Variants in AKAP19 observed in about 807,000 individuals in gnomAD.
The protein encoded by AKAP19 is small A-kinase anchoring protein.
the AKAP19 span, among the ~76,000 whole-genome samples, chr2:190,107,605 C>G: frequency 6.6e-6 from 1 of 152,188 alleles, no homozygotes; most frequent in African/African-American, 2.4e-5. Context: ...CATCCTTCAG[C>G]AGCATGAGTA....
chr2:190,083,287 G>A, the AKAP19 span, among the ~76,000 whole-genome samples: 1 of 151,298 alleles, frequency 6.6e-6, no homozygotes, highest in East Asian at 1.9e-4. Flanking sequence ...GCTGAAGTGG[G>A]AGGATCGATG....
the AKAP19 span, among the ~76,000 whole-genome samples, chr2:190,164,519 G>A: frequency 6.6e-6 from 1 of 152,204 alleles, no homozygotes; most frequent in South Asian, 2.1e-4. Context: ...AACAGAGCCA[G>A]ACTCTGTCTC....
At chr2:189,919,813 G>A in the AKAP19 span, among the ~76,000 whole-genome samples, 1 of 152,180 alleles carries the variant, frequency 6.6e-6, no homozygotes, top group Non-Finnish European at 1.5e-5. Context: ...TCTAGCCTGA[G>A]TGTGAGCCTG....
At chr2:189,905,971 CAT>C in the AKAP19 span, among the ~76,000 whole-genome samples, 1 of 152,006 alleles carries the variant, frequency 6.6e-6, no homozygotes, top group African/African-American at 2.4e-5. Flanking sequence ...GCACAGTTTT[CAT>C]ATCCTTTTGA....
At chr2:190,075,770 T>G in the AKAP19 span, among the ~76,000 whole-genome samples, 8 of 152,178 alleles carry the variant, frequency 5.3e-5, no homozygotes, top group Admixed American at 1.3e-4. Flanking sequence ...AGTTGGGTCT[T>G]GTTTTTTTAT....
chr2:190,005,377 A>G, the AKAP19 span, among the ~76,000 whole-genome samples: 47,263 of 151,984 alleles, frequency 0.31, 8,306 homozygotes, highest in African/African-American at 0.49. Flanking sequence ...GTGCTGATTG[A>G]TGCATTTACA....
the AKAP19 span, among the ~76,000 whole-genome samples, chr2:189,940,432 G>A: frequency 9.5e-4 from 143 of 150,928 alleles, 5 homozygotes; most frequent in Admixed American, 9.4e-3. Context: ...GGCAACGGGG[G>A]GGAAAAAAAG....
At chr2:189,930,845 G>T in the AKAP19 span, 1 of 763,650 alleles carries the variant, frequency 1.3e-6, no homozygotes, top group Non-Finnish European at 2.4e-6. Context: ...TGTTAGGATA[G>T]GTGTTTGCTA....
At chr2:189,948,884 T>C in the AKAP19 span, among the ~76,000 whole-genome samples, 2 of 152,284 alleles carry the variant, frequency 1.3e-5, no homozygotes, top group African/African-American at 4.8e-5. Flanking sequence ...CTCAAGATTA[T>C]GTAGGTATTT....
the AKAP19 span, among the ~76,000 whole-genome samples, chr2:190,059,488 C>A: frequency 6.6e-6 from 1 of 151,860 alleles, no homozygotes. Context: ...TATATACACA[C>A]ATCAGTGCAT....
the AKAP19 span, among the ~76,000 whole-genome samples, chr2:189,920,173 A>G: frequency 2.6e-5 from 4 of 152,160 alleles, no homozygotes; most frequent in African/African-American, 7.2e-5. Context: ...TTTATATTAG[A>G]TTTGTTTACT....
chr2:190,186,025 C>T, the AKAP19 span, among the ~76,000 whole-genome samples: 1 of 152,180 alleles, frequency 6.6e-6, no homozygotes, highest in Non-Finnish European at 1.5e-5. The surrounding 1 kb of genome is among the most constrained non-coding windows in gnomAD (Gnocchi z 5.5). Flanking sequence ...GATCTTGGCT[C>T]TCTGCAACTT....
chr2:190,180,781 G>A, the AKAP19 span: 1 of 985,218 alleles, frequency 1.0e-6, no homozygotes, highest in South Asian at 4.7e-5. The surrounding 1 kb of genome is among the most constrained non-coding windows in gnomAD (Gnocchi z 6.8). Context: ...GCGAACCCGC[G>A]AGGAGCGCGC....
At chr2:189,925,290 C>T in the AKAP19 span, among the ~76,000 whole-genome samples, 1 of 151,932 alleles carries the variant, frequency 6.6e-6, no homozygotes, top group Non-Finnish European at 1.5e-5. Flanking sequence ...TTAGTGTTCA[C>T]TAATTCAGTA....
the AKAP19 span, among the ~76,000 whole-genome samples, chr2:189,957,847 G>T: frequency 4.6e-5 from 7 of 152,298 alleles, no homozygotes; most frequent in East Asian, 1.3e-3. Context: ...AGGCTGGAAT[G>T]CAGTGGTGCC....
chr2:190,098,283 A>G, the AKAP19 span, among the ~76,000 whole-genome samples: 1 of 152,208 alleles, frequency 6.6e-6, no homozygotes, highest in South Asian at 2.1e-4. Flanking sequence ...TCCATGGGCT[A>G]CAGAATGGAT....
the AKAP19 span, among the ~76,000 whole-genome samples, chr2:189,926,585 C>CTT: frequency 1.2e-3 from 85 of 72,390 alleles, 1 homozygote; most frequent in African/African-American, 4.2e-3. Context: ...CGCGCCCGGC[C>CTT]TTTTTTTTTT....
chr2:189,903,328 A>G, the AKAP19 span, among the ~76,000 whole-genome samples: 4 of 152,004 alleles, frequency 2.6e-5, no homozygotes, highest in Non-Finnish European at 1.5e-5. Context: ...ATTAAACCTA[A>G]TCTGTAAATT....
the AKAP19 span, among the ~76,000 whole-genome samples, chr2:190,144,551 C>T: frequency 2.6e-5 from 4 of 152,116 alleles, no homozygotes; most frequent in Admixed American, 2.0e-4. Context: ...TATAGTTTAA[C>T]GTTTGTATTC....
Sources: allele counts gnomAD v4.1 joint callset (sites outside exome capture counted in the v4.1 genomes callset), GRCh38; gene constraint gnomAD v4.1.1; non-coding constraint Gnocchi (gnomAD v3.1); transcripts MANE v1.5; gene names NCBI Gene and HGNC (gene_info 2026-07-23, HGNC 2026-07-21).